PCNX2: variants seen among roughly 807,000 people sequenced by gnomAD.
PCNX2 encodes pecanex 2, also known as pecanex-like protein 2.
In PCNX2, 168 loss-of-function variants were observed where a neutral mutation model predicts 223.8. That is an observed-to-expected ratio of 0.75 (90% CI 0.66 to 0.85). The LOEUF (loss-of-function observed/expected upper bound fraction) is 0.85. Ranked by LOEUF, PCNX2 falls within the 40% of genes least tolerant of loss-of-function variation. The pLI is 0.00. For missense variants in PCNX2, 2,507 were observed against 2,675.5 expected, an observed-to-expected ratio of 0.94 and a Z score of 1.39; for synonymous variants, 1,006 against 1,052.6, an observed-to-expected ratio of 0.96 and a Z score of 0.86.
chr1:233,276,319 G>C (rs114909135), intron 1 of PCNX2, among the ~76,000 whole-genome samples: 543 of 152,232 alleles, frequency 3.6e-3, no homozygotes, highest in African/African-American at 0.012. Context: ...GGGCTTGGGG[G>C]AGAGAGAAAT....
intron 19 of PCNX2, among the ~76,000 whole-genome samples, chr1:233,148,854 A>G (rs536178373): frequency 5.9e-5 from 9 of 152,258 alleles, no homozygotes; most frequent in African/African-American, 2.2e-4. Flanking sequence ...AGAAAGGGAC[A>G]CATTAAAAGA....
At chr1:233,167,741 A>C in intron 17 of PCNX2, 1 of 984,818 alleles carries the variant, frequency 1.0e-6, no homozygotes, top group Non-Finnish European at 1.2e-6. Context: ...ATCTTGTAAA[A>C]CACCTGAACT....
Position 233,288,794 on chromosome 1 carries a change from G to A in PCNX2, c.153+6532C>T, listed in dbSNP as rs987372266. The A allele has an allele frequency of 1.9e-5, 14 of 740,552 alleles. No individual in the cohort carries two copies. In the East Asian group the frequency reaches 3.3e-4, roughly 17 times the overall value. 45.9% of individuals were successfully genotyped at this position (740,552 alleles called of 1,614,324 possible). A position where few individuals can be genotyped will look rare whatever the true frequency, so the allele number is the denominator to read the frequency against. On this transcript the variant is annotated intron_variant, in intron 1 of 33. Transcript: ENST00000258229. ...GTTCTTTTGGAGGCCCAGGACCCAG[G>A]AAAGATGCCCTTTTTTTTTTTTTTT...
At chr1:233,279,621 G>A (rs6683734) in intron 1 of PCNX2, among the ~76,000 whole-genome samples, 71,996 of 151,806 alleles carry the variant, frequency 0.47, 18,889 homozygotes, top group African/African-American at 0.72. Flanking sequence ...GGTTCTATGT[G>A]AGTCCTTTGA....
At position 233,161,438 on chromosome 1, in the gene PCNX2, C is replaced by A. The variant is rs1476265301; in HGVS notation, c.3274-75G>T. ...ACTCTGTGTAACCAGGTAAATCAAG[C>A]AGCAGGACATTGACCCAAGATAAAC... On this transcript the variant is annotated intron_variant, in intron 17 of 33. Coordinates refer to ENST00000258229, the MANE Select transcript of PCNX2 (RefSeq NM_014801.4). 6 of 1,280,356 alleles carry A rather than the reference C, an allele frequency of 4.7e-6. No homozygotes were observed. In the South Asian group the frequency reaches 6.2e-5, roughly 13 times the overall value. 79.3% of individuals were successfully genotyped at this position (1,280,356 alleles called of 1,614,324 possible). A position where few individuals can be genotyped will look rare whatever the true frequency, so the allele number is the denominator to read the frequency against.
chr1:233,112,876 C>T (rs987162473), intron 21 of PCNX2: 127 of 1,288,820 alleles, frequency 9.9e-5, no homozygotes, highest in Middle Eastern at 8.5e-4. Context: ...GAGTTACTAG[C>T]GTGTATTTCA....
intron 12 of PCNX2, among the ~76,000 whole-genome samples, chr1:233,217,621 C>T (rs761129972): frequency 5.9e-5 from 9 of 152,026 alleles, no homozygotes; most frequent in African/African-American, 1.9e-4. Context: ...CAAGACTGCT[C>T]GATCTTTGTT....
chr1:233,249,561 G>A (rs137871165), intron 8 of PCNX2, among the ~76,000 whole-genome samples: 1 of 152,294 alleles, frequency 6.6e-6, no homozygotes, highest in Non-Finnish European at 1.5e-5. Flanking sequence ...GTTGGCTGGA[G>A]AAGAAGAAGT....
chr1:233,129,370 G>A (rs971663946), intron 21 of PCNX2, among the ~76,000 whole-genome samples: 2 of 152,142 alleles, frequency 1.3e-5, no homozygotes, highest in African/African-American at 2.4e-5. Flanking sequence ...CCTGCAGCCC[G>A]CCATGCCTAA....
At chr1:233,101,218 T>TA (rs1228722353) in intron 21 of PCNX2, among the ~76,000 whole-genome samples, 1 of 152,094 alleles carries the variant, frequency 6.6e-6, no homozygotes, top group Non-Finnish European at 1.5e-5. Context: ...TAGGTGGTGA[T>TA]ATGGGGAAAA....
At chr1:233,118,006 T>C (rs138871548) in intron 21 of PCNX2, among the ~76,000 whole-genome samples, 21,149 of 145,176 alleles carry the variant, frequency 0.15, 1,714 homozygotes, top group East Asian at 0.24. Flanking sequence ...CGAGACTCCG[T>C]CTCAAAAAAA....
At chr1:233,231,656 G>A in intron 9 of PCNX2, 1 of 984,952 alleles carries the variant, frequency 1.0e-6, no homozygotes, top group Non-Finnish European at 1.2e-6. Flanking sequence ...AGGAGTAGAA[G>A]AGTGAACAGT....
intron 5 of PCNX2, among the ~76,000 whole-genome samples, chr1:233,254,137 T>A (rs1306459438): frequency 6.6e-6 from 1 of 152,242 alleles, no homozygotes; most frequent in Non-Finnish European, 1.5e-5. Context: ...AAGTTATTCA[T>A]CCTTAAACTT....
chr1:233,017,251 G>A (rs182622328), intron 26 of PCNX2, 97 bp from the exon 27 acceptor site: 3 of 849,516 alleles, frequency 3.5e-6, no homozygotes, highest in Non-Finnish European at 3.6e-6. Context: ...CCTACATGTG[G>A]TATCATTTGT....
At chr1:232,995,573 G>A (rs2102787927) in intron 32 of PCNX2, among the ~76,000 whole-genome samples, 1 of 152,246 alleles carries the variant, frequency 6.6e-6, no homozygotes, top group African/African-American at 2.4e-5. Context: ...GAATGTTGCT[G>A]GGGGGTGAAG....
At chr1:233,054,565 T>C in intron 24 of PCNX2, 82 bp from the exon 25 acceptor site, 1 of 1,108,468 alleles carries the variant, frequency 9.0e-7, no homozygotes, top group Non-Finnish European at 1.3e-6. Flanking sequence ...AGTTGTCATC[T>C]GATTAAGGGT....
At chr1:233,026,957 G>A (rs1224965396) in intron 25 of PCNX2, among the ~76,000 whole-genome samples, 2 of 152,182 alleles carry the variant, frequency 1.3e-5, no homozygotes, top group African/African-American at 4.8e-5. Flanking sequence ...GCACGTAGGG[G>A]CTATTTCAAA....
chr1:233,139,920 T>C lies in PCNX2; in HGVS notation c.3518-65A>G, dbSNP rs1386361904. On this transcript the variant is annotated intron_variant, in intron 19 of 33. Transcript: ENST00000258229. This position sits in a 1 kb window ranked among gnomAD's most constrained non-coding sequence, Gnocchi z 4.4. ...CAAAGTATTTTTCTTTAAGTACAGG[T>C]AATAATAAGTAATATTCCCCCCCTT... 2 of 1,527,774 alleles carry C rather than the reference T, an allele frequency of 1.3e-6. No homozygotes were observed. The highest frequency in any genetic ancestry group is 2.8e-5 in the African/African-American group (2 of 72,044). The allele number at this position is 1,527,774 out of a possible 1,614,324, so 94.6% of individuals were successfully genotyped here.
At position 233,295,568 on chromosome 1, in the gene PCNX2, C is replaced by G; in HGVS notation, c.-90G>C. ...GGCTCCCTCAGGTCTAACACCCGGG[C>G]CCGCGGGCCGCGCCCCCGCCGTCGC... On this transcript the variant is annotated 5_prime_UTR_variant, in exon 1 of 34. Coordinates refer to ENST00000258229, the MANE Select transcript of PCNX2 (RefSeq NM_014801.4). The surrounding 1 kb of genome is among the most constrained non-coding windows in gnomAD (Gnocchi z 4.1). The G allele has an allele frequency of 7.9e-7, 1 of 1,262,388 alleles. No individual in the cohort carries two copies. The highest frequency in any genetic ancestry group is 1.0e-6 in the Non-Finnish European group (1 of 997,448). The allele number at this position is 1,262,388 out of a possible 1,614,324, so 78.2% of individuals were successfully genotyped here. A position where few individuals can be genotyped will look rare whatever the true frequency, so the allele number is the denominator to read the frequency against.
Sources: allele counts gnomAD v4.1 joint callset (sites outside exome capture counted in the v4.1 genomes callset), GRCh38; gene constraint gnomAD v4.1.1; non-coding constraint Gnocchi (gnomAD v3.1); transcripts MANE v1.5; gene names NCBI Gene and HGNC (gene_info 2026-07-23, HGNC 2026-07-21).